The following GSE1 variants were observed in gnomAD, a reference collection of about 807,000 sequenced individuals.
GSE1 encodes the protein genetic suppressor element 1.
In GSE1, 32 loss-of-function variants were observed where a neutral mutation model predicts 112.6. The observed-to-expected ratio is 0.28, with a 90% CI of 0.21 to 0.38. The LOEUF is 0.38. Ranked by LOEUF, GSE1 falls within the 10% of genes least tolerant of loss-of-function variation. The pLI is 1.00. For missense variants in GSE1, 2,348 were observed against 1,699.2 expected, an observed-to-expected ratio of 1.38 and a Z score of -6.71; for synonymous variants, 1,115 against 735.6, an observed-to-expected ratio of 1.52 and a Z score of -8.35.
chr16:85,602,181 G>A (rs1167089268), intron 1 of GSE1, among the ~76,000 whole-genome samples: 1 of 152,190 alleles, frequency 6.6e-6, no homozygotes, highest in African/African-American at 2.4e-5. Context: ...GAGCAGCCAG[G>A]ACTGCTGCCA....
chr16:85,510,371 C>T lies in GSE1; in HGVS notation c.2465-123543C>T, dbSNP rs553492654. Reference sequence around the variant, plus strand: ...TCCAGCATCCCCTGGGCTCACCCACCGCTTCCCCGCAGCCCAGGACCAGGG... The same window carrying T: ...TCCAGCATCCCCTGGGCTCACCCACTGCTTCCCCGCAGCCCAGGACCAGGG... On this transcript the variant is annotated intron_variant, in intron 2 of 2. Transcript: ENST00000637419. Among the ~76,000 whole-genome samples the T allele has an allele frequency of 2.9e-4, 44 of 151,894 alleles. 1 individual carries two copies. The South Asian group carries it at 8.1e-3, about 28-fold the overall frequency.
intron 2 of GSE1, among the ~76,000 whole-genome samples, chr16:85,510,105 T>G (rs913005055): frequency 6.6e-6 from 1 of 152,206 alleles, no homozygotes; most frequent in African/African-American, 2.4e-5. Flanking sequence ...CACCATCAGA[T>G]GTACCCGCCC....
chr16:85,536,352 T>TG (rs1260362466), intron 2 of GSE1, among the ~76,000 whole-genome samples: 3 of 151,586 alleles, frequency 2.0e-5, no homozygotes, highest in African/African-American at 7.3e-5. Flanking sequence ...TGCATGGGGG[T>TG]GAGAAGAAAT....
intron 1 of GSE1, among the ~76,000 whole-genome samples, chr16:85,625,585 A>G (rs1390596175): frequency 1.3e-5 from 2 of 151,920 alleles, no homozygotes; most frequent in East Asian, 1.9e-4. Flanking sequence ...AGAGCTCTGC[A>G]CCCCGTGTTC....
intron 2 of GSE1, among the ~76,000 whole-genome samples, chr16:85,432,914 A>C (rs1459834418): frequency 2.0e-5 from 3 of 152,134 alleles, no homozygotes; most frequent in African/African-American, 7.2e-5. Flanking sequence ...CTGTGGCTCC[A>C]GGACTTACTG....
exon 1 of GSE1, chr16:85,169,632 C>T: frequency 1.0e-6 from 1 of 983,532 alleles, no homozygotes; most frequent in Non-Finnish European, 1.2e-6. Flanking sequence ...GCGGCGGCGG[C>T]ATCGGGCGCG....
intron 1 of GSE1, among the ~76,000 whole-genome samples, chr16:85,613,863 G>C (rs912533988): frequency 6.8e-6 from 1 of 146,932 alleles, no homozygotes; most frequent in Non-Finnish European, 1.5e-5. Flanking sequence ...GGGGTGTGGG[G>C]GGGGGGGGTG....
At chr16:85,253,734 C>A (rs1402601483) in intron 1 of GSE1, among the ~76,000 whole-genome samples, 1 of 152,134 alleles carries the variant, frequency 6.6e-6, no homozygotes, top group Non-Finnish European at 1.5e-5. Flanking sequence ...CAAGAGTGCT[C>A]CCGGTGGAGG....
At chr16:85,662,665 G>A (rs2052530582) in intron 9 of GSE1, 1 of 336,472 alleles carries the variant, frequency 3.0e-6, no homozygotes, top group East Asian at 5.8e-5. Flanking sequence ...GCCCTGTGTT[G>A]CCGTGGACAC....
At chr16:85,316,510 A>G (rs2045988804) in intron 1 of GSE1, among the ~76,000 whole-genome samples, 1 of 152,178 alleles carries the variant, frequency 6.6e-6, no homozygotes, top group Non-Finnish European at 1.5e-5. Flanking sequence ...AGAGCGCTCC[A>G]GCAGGCTTTG....
chr16:85,300,488 T>C (rs956242627), intron 1 of GSE1, among the ~76,000 whole-genome samples: 3 of 152,340 alleles, frequency 2.0e-5, no homozygotes, highest in Admixed American at 2.0e-4. Context: ...CTCATCCGCT[T>C]CCTGTCTCTA....
At chr16:85,209,380 G>A (rs566499006) in intron 1 of GSE1, among the ~76,000 whole-genome samples, 11 of 152,156 alleles carry the variant, frequency 7.2e-5, no homozygotes, top group Non-Finnish European at 1.6e-4. Context: ...GTCAGTGCCT[G>A]GCTCCCGTGC....
chr16:85,585,851 G>A (rs1327243157), intron 1 of GSE1, among the ~76,000 whole-genome samples: 1 of 152,206 alleles, frequency 6.6e-6, no homozygotes, highest in Non-Finnish European at 1.5e-5. Context: ...CCTGTGTGAG[G>A]AGTGTGGACT....
rs756371381 is a variant in GSE1, at chr16:85,657,596, C to T, written c.1632C>T (p.Ser544=). The T allele has an allele frequency of 1.3e-6, 2 of 1,524,996 alleles. No individual in the cohort carries two copies. The highest frequency in any genetic ancestry group is 4.7e-5 in the East Asian group (2 of 42,832). 94.5% of individuals were successfully genotyped at this position (1,524,996 alleles called of 1,614,324 possible). A position where few individuals can be genotyped will look rare whatever the true frequency, so the allele number is the denominator to read the frequency against. The change falls in exon 8 of 16, where the codon AGC becomes AGT. Residue 544 remains serine (S), a synonymous_variant. Coordinates refer to ENST00000253458, the MANE Select transcript of GSE1 (RefSeq NM_014615.5). ...CGGAGGCAGAGCACAGGCCGGAGAG[C>T]ACCACCAGGTGAGTGAGCCCCAGGA... The part of the protein sequence containing the change: ...VPAEAEHRPE[S]TTRPGPNRHE...
At chr16:85,601,638 C>T (rs1598339808) in intron 1 of GSE1, among the ~76,000 whole-genome samples, 2 of 152,152 alleles carry the variant, frequency 1.3e-5, no homozygotes, top group African/African-American at 4.8e-5. Context: ...GAACTTCGAG[C>T]GATGAAAACA....
At chr16:85,574,061 C>T (rs939589733) in intron 1 of GSE1, among the ~76,000 whole-genome samples, 9 of 152,104 alleles carry the variant, frequency 5.9e-5, no homozygotes, top group African/African-American at 2.2e-4. Flanking sequence ...CCACACATGG[C>T]GGGCGGGGGC....
At chr16:85,547,311 C>T (rs1033813631) in intron 2 of GSE1, among the ~76,000 whole-genome samples, 7 of 152,196 alleles carry the variant, frequency 4.6e-5, no homozygotes, top group Admixed American at 2.6e-4. Context: ...TATTCTCTCA[C>T]GGAATGAAAC....
chr16:85,333,104 A>G (rs577358046), intron 1 of GSE1, among the ~76,000 whole-genome samples: 1 of 152,026 alleles, frequency 6.6e-6, no homozygotes, highest in Admixed American at 6.5e-5. Flanking sequence ...GCACTCACCC[A>G]GGGCTGCAGA....
intron 1 of GSE1, among the ~76,000 whole-genome samples, chr16:85,355,457 C>G (rs1318405885): frequency 1.3e-5 from 2 of 152,212 alleles, no homozygotes; most frequent in African/African-American, 4.8e-5. Flanking sequence ...GCCTGTGACC[C>G]TGGGCTCCTA....
Sources: gnomAD v4.1 joint callset for allele counts (sites outside exome capture counted in the v4.1 genomes callset) on GRCh38, gnomAD v4.1.1 for gene constraint, MANE v1.5 for transcripts, NCBI Gene and HGNC (gene_info 2026-07-23, HGNC 2026-07-21) for gene names.